Variants in EMP1 observed in about 807,000 individuals in gnomAD.
EMP1 encodes epithelial membrane protein 1, also known as tumor-associated membrane protein.
Under a neutral mutation model 15.7 loss-of-function variants are expected in EMP1, and 5 were observed. That is an observed-to-expected ratio of 0.32 (90% CI 0.17 to 0.67). The LOEUF is 0.67. Ranked by LOEUF, EMP1 falls within the 30% of genes least tolerant of loss-of-function variation. The pLI is 0.74. For missense variants in EMP1, 166 were observed against 194.2 expected (o/e 0.85, Z 0.86); for synonymous variants, 78 against 76.7 (o/e 1.02, Z -0.09).
At position 13,217,119 on chromosome 12, in the gene EMP1, G is replaced by A. The variant is rs994059265; in HGVS notation, c.*2428G>A. ...CTTTGAAATAGCCAGCTCCTCTAAT[G>A]TGTCTTCAAAATATAAAGTGATTCA... On this transcript the variant is annotated 3_prime_UTR_variant, in exon 5 of 5. Transcript: ENST00000256951. 4 of 152,256 alleles carry A rather than the reference G, an allele frequency of 2.6e-5. No homozygotes were observed. Among genetic ancestry groups the A allele is most frequent in the African/African-American group, 9.7e-5 (4 of 41,446 alleles). The allele number at this position is 152,256 out of a possible 1,614,324, so 9.4% of individuals were successfully genotyped here.
At position 13,215,027 on chromosome 12, in the gene EMP1, T is replaced by G. The variant is rs1326980936; in HGVS notation, c.*336T>G. ...CAACACCAGCCCCACTTCTGGGTCATGCACTGAGGTCCACAGACCTACTGC... is the reference window on the plus strand; with the variant it reads ...CAACACCAGCCCCACTTCTGGGTCAGGCACTGAGGTCCACAGACCTACTGC... On this transcript the variant is annotated 3_prime_UTR_variant, in exon 5 of 5. Transcript: ENST00000256951. The G allele has an allele frequency of 3.3e-6, 1 of 298,794 alleles. No homozygotes were observed. The highest frequency in any genetic ancestry group is 6.5e-6 in the Non-Finnish European group (1 of 153,016). 18.5% of individuals were successfully genotyped at this position (298,794 alleles called of 1,614,324 possible).
chr12:13,198,019 T>G, intron 1 of EMP1, among the ~76,000 whole-genome samples: 1 of 152,258 alleles, frequency 6.6e-6, no homozygotes, highest in East Asian at 1.9e-4. Flanking sequence ...TAAAAATTGT[T>G]GAGTGGCTTT....
rs1039490611 is a variant in EMP1 at position 13,211,245 on chromosome 12, A to G, written c.-42-224A>G. ...AATGAATATGTAAATACCCAAGAAG[A>G]AACCAAATTCTGTTTCCATGTAGGT... On this transcript the variant is annotated intron_variant, in intron 1 of 4. Coordinates refer to ENST00000256951, the MANE Select transcript of EMP1 (RefSeq NM_001423.3). The surrounding 1 kb of genome is among the most constrained non-coding windows in gnomAD (Gnocchi z 4.7). 6.6e-6 allele frequency among the ~76,000 whole-genome samples: 1 copy of G among 152,230 alleles called. No homozygotes were observed. Among genetic ancestry groups the G allele is most frequent in the Non-Finnish European group, 1.5e-5 (1 of 68,034 alleles).
chr12:13,206,705 G>A (rs990912313), intron 1 of EMP1, among the ~76,000 whole-genome samples: 5 of 152,188 alleles, frequency 3.3e-5, no homozygotes, highest in Admixed American at 2.6e-4. Context: ...TAGCAATCAG[G>A]GAACCAAATT....
rs58176335 is a variant in EMP1 at position 13,206,927 on chromosome 12, TTGTGTGTGTGTG to T, written c.-42-4517_-42-4506del. Among the ~76,000 whole-genome samples, 402 of 149,152 alleles carry T rather than the reference TTGTGTGTGTGTG, an allele frequency of 2.7e-3. 4 individuals carry two copies. Among genetic ancestry groups the T allele is most frequent in the African/African-American group, 8.4e-3 (338 of 40,374 alleles). On this transcript the variant is annotated intron_variant, in intron 1 of 4. Transcript: ENST00000256951. ...GGCTGTGTTCCTTTGATTCTTTCAT[TTGTGTGTGTGTG>T]TGTGTGTGTGTGTGTGTGTGTGTGG...
chr12:13,213,142 T>C (rs1591710243), intron 2 of EMP1, among the ~76,000 whole-genome samples: 1 of 152,350 alleles, frequency 6.6e-6, no homozygotes, highest in Non-Finnish European at 1.5e-5. Context: ...GCCAGTTTCC[T>C]CATCCTGGAC....
At chr12:13,203,810 A>G (rs1864087001) in intron 1 of EMP1, among the ~76,000 whole-genome samples, 1 of 152,268 alleles carries the variant, frequency 6.6e-6, no homozygotes, top group African/African-American at 2.4e-5. Flanking sequence ...CAGAGAGGTT[A>G]TGTGATTTTT....
chr12:13,199,071 C>T (rs1202554412), intron 1 of EMP1: 1 of 152,336 alleles, frequency 6.6e-6, no homozygotes, highest in Admixed American at 6.5e-5. Context: ...AGAGGGCCCC[C>T]CACATTTACA....
intron 1 of EMP1, among the ~76,000 whole-genome samples, chr12:13,201,336 G>A (rs1864064668): frequency 6.6e-6 from 1 of 151,982 alleles, no homozygotes; most frequent in Non-Finnish European, 1.5e-5. Flanking sequence ...GAGCCCCAGG[G>A]CTTTGAGGCT....
rs1361893441 is a variant in EMP1 at position 13,215,821 on chromosome 12, T to A, written c.*1130T>A. On this transcript the variant is annotated 3_prime_UTR_variant, in exon 5 of 5. Transcript: ENST00000256951. ...TTCTGGAAGCTGATTAAAACACACA[T>A]AAACCAAAACCAAACAACAGGCCCT... 1.3e-5 allele frequency: 2 copies of A among 153,902 alleles called. No individual in the cohort carries two copies. The highest frequency in any genetic ancestry group is 4.8e-5 in the African/African-American group (2 of 41,430). 9.5% of individuals were successfully genotyped at this position (153,902 alleles called of 1,614,324 possible).
chr12:13,215,372 A>T lies in EMP1; in HGVS notation c.*681A>T, dbSNP rs1860632067. On this transcript the variant is annotated 3_prime_UTR_variant, in exon 5 of 5. Transcript: ENST00000256951. The stretch of plus-strand genomic sequence containing the variant: ...GGTCAGAGCCCAGTCGAGACCTCAC[A>T]CACGGCTGTCCCTCATGGAGACCTC... 6.6e-6 allele frequency: 1 copy of T among 152,466 alleles called. No homozygotes were observed. The highest frequency in any genetic ancestry group is 2.4e-5 in the African/African-American group (1 of 41,466). 9.4% of individuals were successfully genotyped at this position (152,466 alleles called of 1,614,324 possible).
intron 1 of EMP1, among the ~76,000 whole-genome samples, chr12:13,207,155 A>C (rs1012686918): frequency 3.9e-5 from 6 of 152,094 alleles, no homozygotes; most frequent in Non-Finnish European, 8.8e-5. Context: ...TCTGTTGCCC[A>C]GGCTGGAGTG....
intron 1 of EMP1, among the ~76,000 whole-genome samples, chr12:13,197,572 T>G (rs771081032): frequency 1.3e-5 from 2 of 152,000 alleles, no homozygotes; most frequent in Non-Finnish European, 2.9e-5. Context: ...GGTCAGGAGT[T>G]CAAGACAAGC....
chr12:13,213,943 C>T (rs781697269), intron 4 of EMP1, 122 bp downstream of exon 4: 6 of 1,403,954 alleles, frequency 4.3e-6, no homozygotes, highest in Non-Finnish European at 5.0e-6. Flanking sequence ...ATTTTCTCCT[C>T]TGGTTATTTG....
chr12:13,217,543 T>C lies in EMP1; in HGVS notation c.*2852T>C, dbSNP rs1864225211. The stretch of plus-strand genomic sequence containing the variant: ...TGCTCTGATAAACTATCATAAGGGG[T>C]CCACCTCCCCTCATTTAGCTCCCCC... On this transcript the variant is annotated 3_prime_UTR_variant, in exon 5 of 5. Transcript: ENST00000256951. The C allele has an allele frequency of 6.6e-6, 1 of 152,132 alleles. No individual in the cohort carries two copies. 9.4% of individuals were successfully genotyped at this position (152,132 alleles called of 1,614,324 possible).
intron 4 of EMP1, 193 bp from the exon 5 acceptor site, chr12:13,214,341 A>G: frequency 1.4e-6 from 1 of 719,418 alleles, no homozygotes. Context: ...GAGAGCCCAG[A>G]CACCTCTAAT....
rs1448387880 is a variant in EMP1 at position 13,211,405 on chromosome 12, G to A, written c.-42-64G>A. On this transcript the variant is annotated intron_variant, in intron 1 of 4. Coordinates refer to ENST00000256951, the MANE Select transcript of EMP1 (RefSeq NM_001423.3). This position sits in a 1 kb window ranked among gnomAD's most constrained non-coding sequence, Gnocchi z 4.7. ...GTTAGCAGATAGCCCACACGTGTGG[G>A]AAAGCTGAGTCGTCTTATTGAATCT... 11 of 1,130,626 alleles carry A rather than the reference G, an allele frequency of 9.7e-6. No homozygotes were observed. Among genetic ancestry groups the A allele is most frequent in the Non-Finnish European group, 1.5e-5 (11 of 756,732 alleles). The allele number at this position is 1,130,626 out of a possible 1,614,324, so 70.0% of individuals were successfully genotyped here.
Position 13,209,815 on chromosome 12 carries a change from G to A in EMP1, c.-42-1654G>A, listed in dbSNP as rs930309445. On this transcript the variant is annotated intron_variant, in intron 1 of 4. Coordinates refer to ENST00000256951, the MANE Select transcript of EMP1 (RefSeq NM_001423.3). Reference sequence around the variant, plus strand: ...GGAGGTGTGCTAGAACCTGAGAAAAGCAAAAATGAATTTGAATGTGTGGGG... The same window carrying A: ...GGAGGTGTGCTAGAACCTGAGAAAAACAAAAATGAATTTGAATGTGTGGGG... Among the ~76,000 whole-genome samples the A allele has an allele frequency of 2.6e-5, 4 of 152,144 alleles. 1 individual carries two copies. In the East Asian group the frequency reaches 7.7e-4, roughly 29 times the overall value.
intron 1 of EMP1, among the ~76,000 whole-genome samples, chr12:13,203,227 C>A (rs1399659145): frequency 1.3e-5 from 2 of 152,226 alleles, no homozygotes; most frequent in African/African-American, 4.8e-5. Flanking sequence ...TTCCCAAACC[C>A]CTAGTTATTA....
Sources: gnomAD v4.1 joint callset for allele counts (sites outside exome capture counted in the v4.1 genomes callset) on GRCh38, gnomAD v4.1.1 for gene constraint, Gnocchi (gnomAD v3.1) non-coding constraint, MANE v1.5 for transcripts, NCBI Gene and HGNC (gene_info 2026-07-23, HGNC 2026-07-21) for gene names.